The following KLHL29 variants were observed in gnomAD, a reference collection of about 807,000 sequenced individuals.
The protein encoded by KLHL29 is kelch-like protein 29.
A neutral mutation model predicts 80.4 loss-of-function variants in KLHL29; 21 were observed. The ratio of observed to expected loss-of-function variants is 0.26; its 90% confidence interval spans 0.19 to 0.38. The LOEUF is 0.38. Among genes scored for constraint, KLHL29 ranks in the 10% least tolerant of loss-of-function variants. The pLI is 1.00. For synonymous variants in KLHL29, 511 were observed against 526.8 expected (o/e 0.97, Z 0.41); for missense variants, 867 against 1,223.9 (o/e 0.71, Z 4.35).
chr2:23,459,528 G>C (rs1207091626), intron 1 of KLHL29, among the ~76,000 whole-genome samples: 1 of 152,158 alleles, frequency 6.6e-6, no homozygotes, highest in African/African-American at 2.4e-5. Flanking sequence ...CGGCAAAATG[G>C]GGAAATGACG....
chr2:23,474,156 G>A (rs1319240185), intron 1 of KLHL29, among the ~76,000 whole-genome samples: 1 of 152,062 alleles, frequency 6.6e-6, no homozygotes, highest in Non-Finnish European at 1.5e-5. Context: ...CCACCCTCTA[G>A]AATATGAGCT....
At chr2:23,487,944 C>T (rs530263630) in intron 2 of KLHL29, among the ~76,000 whole-genome samples, 1 of 152,304 alleles carries the variant, frequency 6.6e-6, no homozygotes, top group South Asian at 2.1e-4. Context: ...CATGCTCATT[C>T]CTCAATAACC....
intron 2 of KLHL29, among the ~76,000 whole-genome samples, chr2:23,549,472 T>A (rs993849619): frequency 2.0e-5 from 3 of 152,032 alleles, no homozygotes; most frequent in East Asian, 1.9e-4. Context: ...TTTTTTTTTT[T>A]AATTAAATTA....
chr2:23,595,146 G>A (rs1274871726), intron 3 of KLHL29, among the ~76,000 whole-genome samples: 8 of 152,114 alleles, frequency 5.3e-5, no homozygotes, highest in Non-Finnish European at 8.8e-5. Context: ...CTCTGTTGCA[G>A]GCGCCCAGAA....
At chr2:23,668,557 G>A (rs1053785960) in intron 5 of KLHL29, 3 of 152,414 alleles carry the variant, frequency 2.0e-5, no homozygotes, top group Non-Finnish European at 4.4e-5. Flanking sequence ...CAGGGAGGAG[G>A]GAAGTGGTTT....
chr2:23,563,904 C>T (rs1365563816), intron 3 of KLHL29, among the ~76,000 whole-genome samples: 1 of 152,208 alleles, frequency 6.6e-6, no homozygotes, highest in Non-Finnish European at 1.5e-5. Flanking sequence ...GGGCACGCTG[C>T]CCCCAGGCCA....
chr2:23,573,635 A>T (rs1015726185), intron 3 of KLHL29, among the ~76,000 whole-genome samples: 1 of 152,218 alleles, frequency 6.6e-6, no homozygotes, highest in African/African-American at 2.4e-5. Context: ...TGAAACAACC[A>T]ACAAATGTCA....
intron 5 of KLHL29, among the ~76,000 whole-genome samples, chr2:23,645,300 A>G: frequency 6.6e-6 from 1 of 152,178 alleles, no homozygotes; most frequent in East Asian, 1.9e-4. Context: ...TGACAGGACC[A>G]GGTGGGCTTG....
At chr2:23,649,775 T>C (rs530537364) in intron 5 of KLHL29, among the ~76,000 whole-genome samples, 103 of 152,350 alleles carry the variant, frequency 6.8e-4, no homozygotes, top group African/African-American at 2.4e-3. Flanking sequence ...ATTTCCTTCC[T>C]GGGGGCTTCA....
intron 2 of KLHL29, among the ~76,000 whole-genome samples, chr2:23,557,963 C>T (rs1189946316): frequency 1.3e-5 from 2 of 152,130 alleles, no homozygotes; most frequent in South Asian, 2.1e-4. Flanking sequence ...CGTAGGGAAA[C>T]GCTCTTCCAT....
At chr2:23,423,338 G>A (rs915879754) in intron 1 of KLHL29, among the ~76,000 whole-genome samples, 2 of 152,304 alleles carry the variant, frequency 1.3e-5, no homozygotes, top group Admixed American at 1.3e-4. Flanking sequence ...TCCCCAGGCC[G>A]TGCCTCCCAC....
intron 2 of KLHL29, among the ~76,000 whole-genome samples, chr2:23,506,042 A>G (rs1317346353): frequency 6.6e-6 from 1 of 152,192 alleles, no homozygotes; most frequent in Non-Finnish European, 1.5e-5. Context: ...GGCCTGGGGA[A>G]CGGCTTCATT....
At chr2:23,628,341 T>G (rs1461154494) in intron 3 of KLHL29, among the ~76,000 whole-genome samples, 1 of 149,292 alleles carries the variant, frequency 6.7e-6, no homozygotes, top group African/African-American at 2.5e-5. Flanking sequence ...ACGGCTTAGT[T>G]AATCCTAGAA....
chr2:23,636,245 C>T (rs1669605815), intron 3 of KLHL29, among the ~76,000 whole-genome samples: 1 of 152,168 alleles, frequency 6.6e-6, no homozygotes, highest in Non-Finnish European at 1.5e-5. Flanking sequence ...GGGCACACCC[C>T]GTGTCCAGGT....
chr2:23,408,072 C>T (rs1465851523), intron 1 of KLHL29, among the ~76,000 whole-genome samples: 2 of 151,670 alleles, frequency 1.3e-5, no homozygotes, highest in Non-Finnish European at 2.9e-5. Context: ...GAGGGTGTTT[C>T]CAGGCTGTTT....
chr2:23,513,274 A>T (rs941641328), intron 2 of KLHL29, among the ~76,000 whole-genome samples: 3 of 152,218 alleles, frequency 2.0e-5, no homozygotes, highest in Admixed American at 2.0e-4. Context: ...AAACAATCTT[A>T]TAGAAATCTG....
intron 3 of KLHL29, among the ~76,000 whole-genome samples, chr2:23,624,852 G>A (rs980264729): frequency 6.6e-6 from 1 of 152,188 alleles, no homozygotes; most frequent in Non-Finnish European, 1.5e-5. Flanking sequence ...TACGTTGCTA[G>A]GTCCTGGAAG....
chr2:23,532,526 A>G, intron 2 of KLHL29: 1 of 456,306 alleles, frequency 2.2e-6, no homozygotes, highest in Non-Finnish European at 4.4e-6. Flanking sequence ...CGCCAAGGTT[A>G]GACTTTTTCT....
chr2:23,483,028 A>G (rs1210371277), intron 2 of KLHL29, among the ~76,000 whole-genome samples: 1 of 152,246 alleles, frequency 6.6e-6, no homozygotes, highest in African/African-American at 2.4e-5. Context: ...TGTGGCAAAT[A>G]TGTGATAAAT....
Sources: allele counts gnomAD v4.1 joint callset (sites outside exome capture counted in the v4.1 genomes callset), GRCh38; gene constraint gnomAD v4.1.1; transcripts MANE v1.5; gene names NCBI Gene and HGNC (gene_info 2026-07-23, HGNC 2026-07-21).